The following CDH13 variants were observed in gnomAD, a reference collection of about 807,000 sequenced individuals.
The protein encoded by CDH13 is cadherin-13.
CDH13 carries 24 observed loss-of-function variants against 63.8 expected under a neutral mutation model. That is an observed-to-expected ratio of 0.38 (90% CI 0.27 to 0.53). CDH13 has a LOEUF of 0.53. Among genes scored for constraint, CDH13 ranks in the 20% least tolerant of loss-of-function variants. CDH13 has a pLI of 0.85. For missense variants in CDH13, 1,049 were observed against 903.1 expected, an observed-to-expected ratio of 1.16 and a Z score of -2.07; for synonymous variants, 503 against 355.3, an observed-to-expected ratio of 1.42 and a Z score of -4.67.
At chr16:83,643,290 AAAAAAAAAAAAG>A (rs764954221) in intron 8 of CDH13, among the ~76,000 whole-genome samples, 23,156 of 110,748 alleles carry the variant, frequency 0.21, 4,162 homozygotes, top group East Asian at 0.27. Flanking sequence ...TAATAAAAAA[AAAAAAAAAAAAG>A]AAAAAAAAAA....
chr16:82,971,989 T>C (rs1476781187), intron 2 of CDH13, among the ~76,000 whole-genome samples: 1 of 152,202 alleles, frequency 6.6e-6, no homozygotes. Context: ...GGAAGTCCCA[T>C]TATTGCTGGG....
At chr16:82,976,636 C>T (rs1297417016) in intron 2 of CDH13, among the ~76,000 whole-genome samples, 2 of 152,162 alleles carry the variant, frequency 1.3e-5, no homozygotes, top group Non-Finnish European at 2.9e-5. Flanking sequence ...TTGAGACTTG[C>T]TTGCAGATGT....
intron 1 of CDH13, among the ~76,000 whole-genome samples, chr16:82,673,999 C>G (rs1913600870): frequency 6.6e-6 from 1 of 152,184 alleles, no homozygotes; most frequent in African/African-American, 2.4e-5. Flanking sequence ...TCCAGACTTT[C>G]AAAGGATGTA....
chr16:83,622,213 C>A (rs1909878354), intron 8 of CDH13, among the ~76,000 whole-genome samples: 1 of 152,240 alleles, frequency 6.6e-6, no homozygotes, highest in East Asian at 1.9e-4. Context: ...GATGAGGAAA[C>A]TGAGGCACAG....
At chr16:82,702,530 A>G (rs949313920) in intron 1 of CDH13, among the ~76,000 whole-genome samples, 6 of 152,248 alleles carry the variant, frequency 3.9e-5, no homozygotes, top group South Asian at 4.2e-4. Context: ...AGAGAAGTTA[A>G]TGGAGGTTTT....
At chr16:83,687,402 C>G (rs1365711941) in intron 10 of CDH13, among the ~76,000 whole-genome samples, 1 of 152,140 alleles carries the variant, frequency 6.6e-6, no homozygotes, top group Non-Finnish European at 1.5e-5. Context: ...TGGCAGAAGA[C>G]AAACAGGGAG....
Position 83,432,534 on chromosome 16 carries a change from C to T in CDH13, c.782-53943C>T, listed in dbSNP as rs749101481. Among the ~76,000 whole-genome samples the T allele has an allele frequency of 2.6e-5, 4 of 152,294 alleles. No individual in the cohort carries two copies. The East Asian group carries it at 7.7e-4, about 29-fold the overall frequency. The stretch of plus-strand genomic sequence containing the variant: ...CAAGGATCCCCTCCTCTCCTCACCA[C>T]AGCTGCTGTAAACAGAGTGGGTGAA... On this transcript the variant is annotated intron_variant, in intron 6 of 13. Coordinates refer to ENST00000567109, the MANE Select transcript of CDH13 (RefSeq NM_001257.5).
rs2074029225 is a variant in CDH13, at chr16:83,492,206, G to C, written c.960+5551G>C. ...AATCAAGCTGCCAGAAAAGAACAAT[G>C]GTAAAAAAGGATAGCATTTCCTCCA... On this transcript the variant is annotated intron_variant, in intron 7 of 13. Coordinates refer to ENST00000567109, the MANE Select transcript of CDH13 (RefSeq NM_001257.5). 7.9e-5 allele frequency among the ~76,000 whole-genome samples: 6 copies of C among 76,102 alleles called. No individual in the cohort carries two copies. In the East Asian group the frequency reaches 4.5e-3, roughly 57 times the overall value. The allele number at this position is 76,102 out of a possible 152,430, so 49.9% of individuals were successfully genotyped here.
intron 2 of CDH13, among the ~76,000 whole-genome samples, chr16:82,939,599 T>C (rs1007765522): frequency 3.9e-5 from 6 of 152,124 alleles, no homozygotes; most frequent in Non-Finnish European, 7.3e-5. Context: ...TTAGATATTC[T>C]AACTGAAGCA....
intron 10 of CDH13, among the ~76,000 whole-genome samples, chr16:83,708,245 A>G (rs426339): frequency 0.13 from 19,673 of 152,178 alleles, 1,402 homozygotes; most frequent in Middle Eastern, 0.21. Context: ...GCTCCTCTCA[A>G]ATACTTCCCA....
rs188761896 is a variant in CDH13, at chr16:83,303,329, G to T, written c.637-41533G>T. 1.3e-3 allele frequency among the ~76,000 whole-genome samples: 195 copies of T among 152,326 alleles called. 2 individuals are homozygous for T. Among genetic ancestry groups the T allele is most frequent in the African/African-American group, 4.5e-3 (188 of 41,574 alleles). On this transcript the variant is annotated intron_variant, in intron 5 of 13. Transcript: ENST00000567109. ...AGGAGGATGATCACGCAATAACCCAGTAGGTCCAGATGCTTATACAACTTT... is the reference window on the plus strand; with the variant it reads ...AGGAGGATGATCACGCAATAACCCATTAGGTCCAGATGCTTATACAACTTT...
intron 8 of CDH13, among the ~76,000 whole-genome samples, chr16:83,645,900 A>G (rs899497847): frequency 6.6e-6 from 1 of 152,240 alleles, no homozygotes; most frequent in African/African-American, 2.4e-5. Flanking sequence ...ACGAAAATTG[A>G]GGTGAAAAAT....
chr16:82,715,773 G>C (rs902132946), intron 1 of CDH13, among the ~76,000 whole-genome samples: 19 of 152,212 alleles, frequency 1.2e-4, no homozygotes, highest in Non-Finnish European at 2.8e-4. Flanking sequence ...CAGCGATGAT[G>C]GGGTTTTTTC....
chr16:83,187,172 T>A (rs1164367193), intron 4 of CDH13, among the ~76,000 whole-genome samples: 1 of 152,162 alleles, frequency 6.6e-6, no homozygotes, highest in Non-Finnish European at 1.5e-5. Context: ...GGTTTCACCA[T>A]GTTGGCCTGG....
At chr16:83,215,111 C>G (rs2039459111) in intron 4 of CDH13, among the ~76,000 whole-genome samples, 1 of 91,266 alleles carries the variant, frequency 1.1e-5, no homozygotes, top group South Asian at 4.0e-4. Flanking sequence ...GAGTCTTACT[C>G]TGTCACTCAG....
At chr16:83,550,504 C>A (rs1033802739) in intron 7 of CDH13, among the ~76,000 whole-genome samples, 2 of 152,182 alleles carry the variant, frequency 1.3e-5, no homozygotes, top group Admixed American at 6.5e-5. Context: ...GGTCAACTGC[C>A]AAGCAGTTAA....
At chr16:83,768,075 A>C (rs1178650673) in intron 11 of CDH13, among the ~76,000 whole-genome samples, 1 of 152,224 alleles carries the variant, frequency 6.6e-6, no homozygotes, top group African/African-American at 2.4e-5. Context: ...GAAAATTAAA[A>C]ATAGATAAAT....
chr16:83,078,486 A>C (rs1021588843), intron 3 of CDH13, among the ~76,000 whole-genome samples: 2 of 152,212 alleles, frequency 1.3e-5, no homozygotes, highest in Non-Finnish European at 2.9e-5. Flanking sequence ...CTCCTATAAG[A>C]GTCTAATGCC....
In CDH13 at chr16:83,570,840, T is replaced by TTATATATATAAATATAAATATA. The variant is rs1491259499; in HGVS notation, c.961-31613_961-31612insATATATATAAATATAAATATAT. Among the ~76,000 whole-genome samples the TTATATATATAAATATAAATATA allele has an allele frequency of 1.1e-4, 7 of 61,544 alleles. No homozygotes were observed. In the East Asian group the frequency reaches 2.2e-3, roughly 19 times the overall value. The allele number at this position is 61,544 out of a possible 152,430, so 40.4% of individuals were successfully genotyped here. ...TATAAATATAAATAAAAATTTATAT[T>TTATATATATAAATATAAATATA]TTTATATATATAAATATAAATATAT... On this transcript the variant is annotated intron_variant, in intron 7 of 13. Coordinates refer to ENST00000567109, the MANE Select transcript of CDH13 (RefSeq NM_001257.5).
Sources: gnomAD v4.1 joint callset for allele counts (sites outside exome capture counted in the v4.1 genomes callset) on GRCh38, gnomAD v4.1.1 for gene constraint, MANE v1.5 for transcripts, NCBI Gene and HGNC (gene_info 2026-07-23, HGNC 2026-07-21) for gene names.